The following RANBP17 variants were observed in gnomAD, a reference collection of about 807,000 sequenced individuals.
RANBP17 encodes the protein RAN binding protein 17.
RANBP17 carries 158 observed loss-of-function variants against 141.2 expected under a neutral mutation model. The observed-to-expected ratio is 1.12, with a 90% CI of 0.98 to 1.28. The LOEUF (loss-of-function observed/expected upper bound fraction) is 1.28, where lower values mean the gene tolerates loss of function less well. RANBP17 is among the 50% of genes most tolerant of loss of function. RANBP17 has a pLI of 0.00. For missense variants in RANBP17, 1,438 were observed against 1,290.7 expected, an observed-to-expected ratio of 1.11 and a Z score of -1.75; for synonymous variants, 430 against 450.0, an observed-to-expected ratio of 0.96 and a Z score of 0.56.
At chr5:170,872,057 A>ATGTCAATGG (rs1490842888) in intron 1 of RANBP17, among the ~76,000 whole-genome samples, 1 of 152,198 alleles carries the variant, frequency 6.6e-6, no homozygotes, top group African/African-American at 2.4e-5. Context: ...TCTGTGAAGA[A>ATGTCAATGG]TGTCAATGGT....
chr5:170,864,331 T>C (rs1164766598), intron 1 of RANBP17, among the ~76,000 whole-genome samples: 3 of 152,210 alleles, frequency 2.0e-5, no homozygotes, highest in Admixed American at 1.3e-4. Context: ...CAACATCTTT[T>C]TCACATCATG....
chr5:171,090,681 G>C (rs1417201065), intron 14 of RANBP17, among the ~76,000 whole-genome samples: 3 of 152,044 alleles, frequency 2.0e-5, no homozygotes, highest in Admixed American at 1.3e-4. Context: ...CATGGGCAGG[G>C]CCCAGGGTCC....
In RANBP17 at chr5:170,879,137, A is replaced by G. The variant is rs560454167; in HGVS notation, c.165+894A>G. ...GTTCATATGTTAATGCTGATCTATA[A>G]TGAGATTTTACATATTTTATATTTG... is the stretch of plus-strand genomic sequence containing the variant. On this transcript the variant is annotated intron_variant, in intron 2 of 27. Transcript: ENST00000523189. Among the ~76,000 whole-genome samples, 17 of 152,266 alleles carry G rather than the reference A, an allele frequency of 1.1e-4. No homozygotes were observed. In the South Asian group the frequency reaches 3.3e-3, roughly 30 times the overall value.
intron 19 of RANBP17, among the ~76,000 whole-genome samples, chr5:171,205,021 C>T (rs1391459403): frequency 1.3e-5 from 2 of 152,150 alleles, no homozygotes; most frequent in Non-Finnish European, 2.9e-5. Context: ...CTGCGTATAT[C>T]ATAGTACATG....
chr5:170,964,938 G>A (rs1481897987), intron 13 of RANBP17, among the ~76,000 whole-genome samples: 6 of 152,122 alleles, frequency 3.9e-5, no homozygotes, highest in African/African-American at 7.2e-5. Flanking sequence ...GGGTCAAATG[G>A]TATTTCTAGT....
At chr5:170,933,327 G>A (rs932508974) in intron 12 of RANBP17, among the ~76,000 whole-genome samples, 32 of 151,892 alleles carry the variant, frequency 2.1e-4, no homozygotes, top group Admixed American at 2.0e-4. Context: ...TCTTACTAGC[G>A]GTCTATCAAT....
intron 24 of RANBP17, among the ~76,000 whole-genome samples, chr5:171,262,248 C>T (rs1766381346): frequency 6.6e-6 from 1 of 152,170 alleles, no homozygotes; most frequent in African/African-American, 2.4e-5. Context: ...AATCCATTTA[C>T]TTTCGTGACT....
intron 14 of RANBP17, among the ~76,000 whole-genome samples, chr5:170,978,319 A>G (rs1418890492): frequency 6.6e-6 from 1 of 152,134 alleles, no homozygotes; most frequent in Admixed American, 6.5e-5. Context: ...GATATAGTCT[A>G]CCTTATGACT....
At chr5:171,256,933 CA>C (rs1190772804) in intron 24 of RANBP17, among the ~76,000 whole-genome samples, 1 of 151,622 alleles carries the variant, frequency 6.6e-6, no homozygotes, top group African/African-American at 2.4e-5. Context: ...AAAATCCCAG[CA>C]AAAAAACTCA....
At chr5:171,251,767 G>GCCCGCC (rs1765580251) in intron 24 of RANBP17, 1 of 969,592 alleles carries the variant, frequency 1.0e-6, no homozygotes, top group African/African-American at 1.6e-5. Flanking sequence ...CTCCTCCCGC[G>GCCCGCC]CCCGCCCCCG....
At chr5:170,943,412 A>G (rs1774495614) in intron 12 of RANBP17, among the ~76,000 whole-genome samples, 1 of 152,136 alleles carries the variant, frequency 6.6e-6, no homozygotes, top group South Asian at 2.1e-4. Context: ...GAAATAGGTC[A>G]TTAACAGTAG....
chr5:171,114,414 C>T (rs1373483535), intron 14 of RANBP17, among the ~76,000 whole-genome samples: 1 of 152,022 alleles, frequency 6.6e-6, no homozygotes, highest in African/African-American at 2.4e-5. Flanking sequence ...CAGGAGCTTA[C>T]AGTACATACC....
At chr5:171,246,092 G>A (rs1029710167) in intron 24 of RANBP17, among the ~76,000 whole-genome samples, 2 of 151,986 alleles carry the variant, frequency 1.3e-5, no homozygotes, top group African/African-American at 4.8e-5. Context: ...TGTTGGTCAG[G>A]CTGGTCTCAA....
intron 14 of RANBP17, among the ~76,000 whole-genome samples, chr5:170,979,408 A>G (rs1172056754): frequency 1.3e-5 from 2 of 152,228 alleles, no homozygotes; most frequent in African/African-American, 4.8e-5. Flanking sequence ...CAACTGTATC[A>G]TAATGAGAGT....
intron 15 of RANBP17, among the ~76,000 whole-genome samples, chr5:171,170,609 A>G (rs1385770633): frequency 6.6e-6 from 1 of 152,136 alleles, no homozygotes; most frequent in Non-Finnish European, 1.5e-5. Context: ...TCTAAGAGAA[A>G]CCTATGGCTG....
chr5:171,171,751 A>T (rs1401822282), intron 16 of RANBP17, among the ~76,000 whole-genome samples: 1 of 151,990 alleles, frequency 6.6e-6, no homozygotes, highest in East Asian at 1.9e-4. Context: ...CATCATTTTC[A>T]TTAGTTGAAA....
intron 25 of RANBP17, chr5:171,271,406 A>G (rs901422144): frequency 4.8e-6 from 1 of 210,438 alleles, no homozygotes; most frequent in African/African-American, 2.3e-5. Flanking sequence ...ATTCCATTCC[A>G]TAATACTGAG....
intron 21 of RANBP17, among the ~76,000 whole-genome samples, chr5:171,215,951 T>G (rs1763188615): frequency 6.6e-6 from 1 of 152,142 alleles, no homozygotes; most frequent in African/African-American, 2.4e-5. Flanking sequence ...TGCAATTGCT[T>G]TTGGTGTTTT....
intron 12 of RANBP17, among the ~76,000 whole-genome samples, chr5:170,930,577 C>T (rs1773285267): frequency 6.6e-6 from 1 of 151,962 alleles, no homozygotes. Flanking sequence ...CACTCCCCGG[C>T]AGGCCCTGAT....
Sources: gnomAD v4.1 joint callset for allele counts (sites outside exome capture counted in the v4.1 genomes callset) on GRCh38, gnomAD v4.1.1 for gene constraint, MANE v1.5 for transcripts, NCBI Gene and HGNC (gene_info 2026-07-23, HGNC 2026-07-21) for gene names.